The following ZNF407 variants were observed in gnomAD, a reference collection of about 807,000 sequenced individuals.
ZNF407 encodes the protein zinc finger protein 407.
Under a neutral mutation model 131.2 loss-of-function variants are expected in ZNF407, and 17 were observed. That is an observed-to-expected ratio of 0.13 (90% CI 0.09 to 0.19). The LOEUF (loss-of-function observed/expected upper bound fraction) is 0.19, where lower values mean the gene tolerates loss of function less well. Among genes scored for constraint, ZNF407 ranks in the 10% least tolerant of loss-of-function variants. The pLI is 1.00. For synonymous variants in ZNF407, 1,156 were observed against 1,062.0 expected, an observed-to-expected ratio of 1.09 and a Z score of -1.72; for missense variants, 2,681 against 2,830.6, an observed-to-expected ratio of 0.95 and a Z score of 1.20.
At chr18:74,962,673 A>G (rs1017278702) in intron 8 of ZNF407, among the ~76,000 whole-genome samples, 3 of 152,326 alleles carry the variant, frequency 2.0e-5, no homozygotes, top group Admixed American at 1.3e-4. Flanking sequence ...GCACACATAC[A>G]GCACCCTCTT....
chr18:75,063,968 G>T lies in ZNF407; in HGVS notation c.6247G>T (p.Val2083Phe), dbSNP rs781417819. 4.3e-6 allele frequency: 7 copies of T among 1,613,468 alleles called. No homozygotes were observed. The highest frequency in any genetic ancestry group is 5.9e-6 in the Non-Finnish European group (7 of 1,179,830). The change falls in exon 9 of 9, where the codon GTC (valine) becomes TTC (phenylalanine). Residue 2083 changes from valine to phenylalanine, a missense_variant. Val to Phe is a conservative substitution (Grantham distance 50). This residue lies in a region of ZNF407 where 620 missense variants were observed against 583.1 expected (regional missense o/e 1.06). Coordinates refer to ENST00000299687, the MANE Select transcript of ZNF407 (RefSeq NM_017757.3). The surrounding 1 kb of genome is among the most constrained non-coding windows in gnomAD (Gnocchi z 6.6). The part of the protein sequence containing the change: ...QVAFKKMVQG[V>F]LQFAVCDTAA... ...GGCCTTCAAGAAGATGGTCCAGGGC[G>T]TCCTCCAGTTTGCTGTGTGTGACAC...
At chr18:75,043,021 T>C (rs117555535) in intron 8 of ZNF407, among the ~76,000 whole-genome samples, 1 of 152,300 alleles carries the variant, frequency 6.6e-6, no homozygotes, top group East Asian at 1.9e-4. Flanking sequence ...AACAGGTCTT[T>C]GTATGGGCAT....
intron 8 of ZNF407, among the ~76,000 whole-genome samples, chr18:74,982,550 T>C (rs1285954479): frequency 6.6e-6 from 1 of 152,250 alleles, no homozygotes; most frequent in Admixed American, 6.5e-5. Context: ...CAGACTTTAT[T>C]ACTGAGTTCC....
chr18:74,962,318 T>A (rs1307823229), intron 8 of ZNF407, among the ~76,000 whole-genome samples: 1 of 152,246 alleles, frequency 6.6e-6, no homozygotes, highest in East Asian at 1.9e-4. Context: ...AAACTGTAAG[T>A]ATCTTCACAA....
chr18:74,852,812 T>C (rs562186127), intron 4 of ZNF407, among the ~76,000 whole-genome samples: 4 of 152,312 alleles, frequency 2.6e-5, no homozygotes, highest in South Asian at 2.1e-4. Context: ...TTGCAAATGA[T>C]TTTTTCAAGG....
intron 8 of ZNF407, among the ~76,000 whole-genome samples, chr18:75,022,085 G>T (rs907878548): frequency 8.6e-5 from 13 of 151,930 alleles, no homozygotes; most frequent in Admixed American, 8.5e-4. Flanking sequence ...TGTCTGGAAA[G>T]GTATTTATTA....
At chr18:74,876,418 A>G (rs1327878376) in intron 4 of ZNF407, among the ~76,000 whole-genome samples, 1 of 152,196 alleles carries the variant, frequency 6.6e-6, no homozygotes, top group Non-Finnish European at 1.5e-5. Context: ...CATGAATGCA[A>G]TTGAACAGGG....
intron 8 of ZNF407, among the ~76,000 whole-genome samples, chr18:74,976,887 C>T (rs2145309311): frequency 6.8e-6 from 1 of 147,898 alleles, no homozygotes; most frequent in East Asian, 2.0e-4. Flanking sequence ...GAGAATTTTC[C>T]CCTGATCTAT....
At chr18:74,716,487 G>C (rs570637526) in intron 3 of ZNF407, among the ~76,000 whole-genome samples, 1 of 152,142 alleles carries the variant, frequency 6.6e-6, no homozygotes, top group African/African-American at 2.4e-5. Flanking sequence ...GTGACACCCT[G>C]TGAACTAATT....
intron 8 of ZNF407, among the ~76,000 whole-genome samples, chr18:74,983,427 A>C (rs959904360): frequency 1.3e-5 from 2 of 152,212 alleles, no homozygotes; most frequent in Non-Finnish European, 2.9e-5. Flanking sequence ...GAAGTGCTAG[A>C]ATCACATGAT....
chr18:74,967,865 T>G (rs1299489813), intron 8 of ZNF407, among the ~76,000 whole-genome samples: 2 of 152,232 alleles, frequency 1.3e-5, no homozygotes, highest in South Asian at 4.1e-4. Context: ...TAATTTGGTA[T>G]TCTTTCCACT....
At chr18:74,852,225 G>A (rs750842016) in intron 4 of ZNF407, among the ~76,000 whole-genome samples, 10 of 151,940 alleles carry the variant, frequency 6.6e-5, no homozygotes, top group South Asian at 4.2e-4. Flanking sequence ...ACGCGCGCGC[G>A]CATTGCTGGC....
intron 3 of ZNF407, among the ~76,000 whole-genome samples, chr18:74,705,228 C>T (rs1310409661): frequency 2.0e-5 from 3 of 151,486 alleles, no homozygotes; most frequent in Non-Finnish European, 2.9e-5. Context: ...AGGTAGATTT[C>T]ACTTTTTGTC....
At chr18:74,662,367 CATT>C (rs1985752718) in intron 3 of ZNF407, among the ~76,000 whole-genome samples, 1 of 152,110 alleles carries the variant, frequency 6.6e-6, no homozygotes, top group Non-Finnish European at 1.5e-5. Context: ...CCTCTGTTAT[CATT>C]ATACTATCAC....
At chr18:74,800,517 G>A (rs1002513313) in intron 4 of ZNF407, among the ~76,000 whole-genome samples, 5 of 152,002 alleles carry the variant, frequency 3.3e-5, no homozygotes, top group East Asian at 1.9e-4. Context: ...GGAAATGAAC[G>A]TTTAACCTCT....
Position 74,631,357 on chromosome 18 carries a change from A to G in ZNF407, c.338A>G (p.Lys113Arg). 6.2e-7 allele frequency: 1 copy of G among 1,614,012 alleles called. No homozygotes were observed. The highest frequency in any genetic ancestry group is 8.5e-7 in the Non-Finnish European group (1 of 1,179,890). ...EGGIALDETG[K>R]ETFLSDCTVG... ...GGTATTGCATTAGATGAAACAGGGAAGGAGACCTTTCTGAGTGACTGCACA... is the reference window on the plus strand; with the variant it reads ...GGTATTGCATTAGATGAAACAGGGAGGGAGACCTTTCTGAGTGACTGCACA... Residue 113 changes from lysine to arginine, a missense_variant, in exon 2 of 9, where the codon AAG (lysine) becomes AGG (arginine). Physicochemically the swap from Lys to Arg is conservative, Grantham distance 26. Coordinates refer to ENST00000299687, the MANE Select transcript of ZNF407 (RefSeq NM_017757.3).
At chr18:74,695,998 A>C (rs1266008606) in intron 3 of ZNF407, among the ~76,000 whole-genome samples, 1 of 152,200 alleles carries the variant, frequency 6.6e-6, no homozygotes, top group Non-Finnish European at 1.5e-5. Flanking sequence ...TTGGTGTTAC[A>C]TGGGAACTGT....
rs981856198 is a variant in ZNF407 at position 75,048,667 on chromosome 18, T to C, written c.5429-14483T>C. ...CTGGAATCCTGACACTTTCTGTCTT[T>C]AAAAAAATCAACTAGATTATTTTCA... On this transcript the variant is annotated intron_variant, in intron 8 of 8. Coordinates refer to ENST00000299687, the MANE Select transcript of ZNF407 (RefSeq NM_017757.3). The surrounding 1 kb of genome is among the most constrained non-coding windows in gnomAD (Gnocchi z 4.1). 6.6e-6 allele frequency among the ~76,000 whole-genome samples: 1 copy of C among 152,238 alleles called. No individual in the cohort carries two copies. Among genetic ancestry groups the C allele is most frequent in the African/African-American group, 2.4e-5 (1 of 41,446 alleles).
intron 8 of ZNF407, among the ~76,000 whole-genome samples, chr18:74,945,535 G>A (rs567159398): frequency 6.6e-5 from 10 of 152,126 alleles, no homozygotes; most frequent in East Asian, 1.9e-4. Flanking sequence ...TTAATATGTC[G>A]CAGTTAGAAT....
Sources: gnomAD v4.1 joint callset for allele counts (sites outside exome capture counted in the v4.1 genomes callset) on GRCh38, gnomAD v4.1.1 for gene constraint, gnomAD v4.1.1 regional missense constraint, Gnocchi (gnomAD v3.1) non-coding constraint, MANE v1.5 for transcripts, NCBI Gene and HGNC (gene_info 2026-07-23, HGNC 2026-07-21) for gene names.